Variants in AMPH observed in about 807,000 individuals in gnomAD.
AMPH encodes the protein amphiphysin (Stiff-Mann syndrome with breast cancer 128kD autoantigen).
Under a neutral mutation model 99.1 loss-of-function variants are expected in AMPH, and 49 were observed. The observed-to-expected ratio is 0.49, with a 90% CI of 0.39 to 0.63. The LOEUF (loss-of-function observed/expected upper bound fraction) is 0.63. AMPH is among the 20% of genes least tolerant of loss of function. The pLI is 0.00. For synonymous variants in AMPH, 314 were observed against 317.3 expected, an observed-to-expected ratio of 0.99 and a Z score of 0.11; for missense variants, 759 against 863.4, an observed-to-expected ratio of 0.88 and a Z score of 1.52.
intron 16 of AMPH, chr7:38,421,040 G>C (rs1191272086): frequency 2.2e-6 from 1 of 456,672 alleles, no homozygotes; most frequent in South Asian, 1.5e-5. Flanking sequence ...CAGGACCAAG[G>C]TTAGCAGCAT....
At chr7:38,581,535 T>G (rs748017842) in intron 1 of AMPH, among the ~76,000 whole-genome samples, 82 of 152,150 alleles carry the variant, frequency 5.4e-4, no homozygotes, top group Non-Finnish European at 8.4e-4. Flanking sequence ...GAACCTTGGC[T>G]TTCTTTCTGA....
chr7:38,483,265 G>A (rs1444851826), intron 5 of AMPH, among the ~76,000 whole-genome samples: 1 of 152,082 alleles, frequency 6.6e-6, no homozygotes, highest in Non-Finnish European at 1.5e-5. Context: ...CATGAATGCA[G>A]GCACTTGCCA....
At chr7:38,526,305 C>T (rs1276436847) in intron 2 of AMPH, among the ~76,000 whole-genome samples, 3 of 150,998 alleles carry the variant, frequency 2.0e-5, no homozygotes, top group East Asian at 1.9e-4. Flanking sequence ...AGTCTCACTC[C>T]GTCACCCAGG....
intron 11 of AMPH, among the ~76,000 whole-genome samples, chr7:38,441,483 A>G: frequency 6.6e-6 from 1 of 152,006 alleles, no homozygotes; most frequent in East Asian, 1.9e-4. Flanking sequence ...GTCATCAAAT[A>G]GGTCTCAACT....
intron 19 of AMPH, 130 bp downstream of exon 19, chr7:38,391,618 T>C: frequency 1.2e-6 from 1 of 862,532 alleles, no homozygotes; most frequent in South Asian, 1.8e-5. Context: ...AGTGATGTTG[T>C]GGTGAAGGGA....
intron 1 of AMPH, among the ~76,000 whole-genome samples, chr7:38,566,562 T>A (rs1301339146): frequency 6.6e-6 from 1 of 152,074 alleles, no homozygotes; most frequent in Admixed American, 6.5e-5. Flanking sequence ...CTAATTAAAC[T>A]AAAGAGCTTC....
chr7:38,393,460 G>A (rs1056411852), intron 18 of AMPH, among the ~76,000 whole-genome samples: 1 of 152,162 alleles, frequency 6.6e-6, no homozygotes, highest in South Asian at 2.1e-4. Flanking sequence ...CTGAGGCAGT[G>A]CCGAGCAGGG....
At chr7:38,495,182 A>T (rs58000336) in intron 3 of AMPH, among the ~76,000 whole-genome samples, 4,138 of 152,272 alleles carry the variant, frequency 0.027, 154 homozygotes, top group African/African-American at 0.095. Context: ...TAATGAAACC[A>T]ATTTTACCCA....
At chr7:38,439,054 G>C (rs1584092534) in intron 11 of AMPH, among the ~76,000 whole-genome samples, 1 of 152,268 alleles carries the variant, frequency 6.6e-6, no homozygotes, top group Non-Finnish European at 1.5e-5. Flanking sequence ...AATAGTGAAT[G>C]AGTTCTCATG....
At chr7:38,436,696 C>G (rs375261608) in intron 11 of AMPH, among the ~76,000 whole-genome samples, 1 of 152,278 alleles carries the variant, frequency 6.6e-6, no homozygotes, top group East Asian at 1.9e-4. Flanking sequence ...TCCTAATATA[C>G]CAAGATGCAA....
intron 1 of AMPH, among the ~76,000 whole-genome samples, chr7:38,582,916 T>G (rs551471416): frequency 6.6e-6 from 1 of 152,218 alleles, no homozygotes; most frequent in Non-Finnish European, 1.5e-5. Flanking sequence ...CAAGCACAAT[T>G]TGGTCCATAG....
At chr7:38,411,484 G>A (rs1785215511) in intron 17 of AMPH, among the ~76,000 whole-genome samples, 1 of 152,216 alleles carries the variant, frequency 6.6e-6, no homozygotes, top group Non-Finnish European at 1.5e-5. Context: ...AGGGCTAGCA[G>A]GAGGGATTCA....
chr7:38,620,703 C>CT (rs915561020), intron 1 of AMPH, among the ~76,000 whole-genome samples: 8 of 151,710 alleles, frequency 5.3e-5, no homozygotes, highest in African/African-American at 7.3e-5. Context: ...TAAGGGCTTT[C>CT]TTTTTTTTGG....
chr7:38,471,918 A>G (rs1286366694), intron 7 of AMPH, among the ~76,000 whole-genome samples: 1 of 152,176 alleles, frequency 6.6e-6, no homozygotes, highest in Non-Finnish European at 1.5e-5. Context: ...TCAATCCATC[A>G]AGAAGATATA....
intron 1 of AMPH, among the ~76,000 whole-genome samples, chr7:38,619,841 A>T (rs1302495173): frequency 6.6e-6 from 1 of 152,084 alleles, no homozygotes; most frequent in Non-Finnish European, 1.5e-5. Flanking sequence ...TGGAAACAGA[A>T]CTCTGGATAC....
intron 1 of AMPH, among the ~76,000 whole-genome samples, chr7:38,568,261 C>T (rs1289616526): frequency 6.6e-6 from 1 of 152,208 alleles, no homozygotes; most frequent in Non-Finnish European, 1.5e-5. Flanking sequence ...GTCAGGAGAT[C>T]GAGACCATCT....
chr7:38,579,919 C>T (rs1240225199), intron 1 of AMPH, among the ~76,000 whole-genome samples: 6 of 152,154 alleles, frequency 3.9e-5, no homozygotes, highest in African/African-American at 1.4e-4. Context: ...ACACAATGTT[C>T]GCCAGAAAAT....
chr7:38,570,446 G>A (rs1015099762), intron 1 of AMPH, among the ~76,000 whole-genome samples: 1 of 152,040 alleles, frequency 6.6e-6, no homozygotes, highest in Non-Finnish European at 1.5e-5. Flanking sequence ...ATATCTAATG[G>A]TACTCCCATA....
At chr7:38,631,192 A>C in intron 1 of AMPH, 91 bp downstream of exon 1, 2 of 1,147,582 alleles carry the variant, frequency 1.7e-6, no homozygotes, top group Non-Finnish European at 2.2e-6. Flanking sequence ...CCGCACCCCG[A>C]GGCTCGGGCC....
Sources: allele counts gnomAD v4.1 joint callset (sites outside exome capture counted in the v4.1 genomes callset), GRCh38; gene constraint gnomAD v4.1.1; transcripts MANE v1.5; gene names NCBI Gene and HGNC (gene_info 2026-07-23, HGNC 2026-07-21).